HBS1L: variants seen among roughly 807,000 people sequenced by gnomAD.
The protein encoded by HBS1L is HBS1-like protein.
In HBS1L, 55 loss-of-function variants were observed where a neutral mutation model predicts 88.9. That is an observed-to-expected ratio of 0.62 (90% confidence interval 0.50 to 0.77). The LOEUF (loss-of-function observed/expected upper bound fraction) is 0.77. Ranked by LOEUF, HBS1L falls within the 30% of genes least tolerant of loss-of-function variation. The pLI, the probability that HBS1L is intolerant of heterozygous loss-of-function variation, is 0.00. For synonymous variants in HBS1L, 267 were observed against 288.5 expected, an observed-to-expected ratio of 0.93 and a Z score of 0.76; for missense variants, 741 against 829.3, an observed-to-expected ratio of 0.89 and a Z score of 1.31.
chr6:135,004,341 A>G (rs1156991785), intron 4 of HBS1L, among the ~76,000 whole-genome samples: 1 of 152,050 alleles, frequency 6.6e-6, no homozygotes, highest in South Asian at 2.1e-4. Flanking sequence ...ATTTGATGAT[A>G]GGGCACATGA....
chr6:135,004,570 C>T (rs1239450628), intron 4 of HBS1L, among the ~76,000 whole-genome samples: 1 of 152,050 alleles, frequency 6.6e-6, no homozygotes, highest in East Asian at 1.9e-4. Context: ...AGTGCAGGAC[C>T]TTTAGGTCAT....
intron 4 of HBS1L, among the ~76,000 whole-genome samples, chr6:135,028,776 C>G (rs187432482): frequency 6.6e-6 from 1 of 152,228 alleles, no homozygotes; most frequent in East Asian, 1.9e-4. Context: ...CTAATGTTAT[C>G]TAAAGCCTTT....
chr6:135,037,632 A>G (rs1232073192), intron 4 of HBS1L: 1 of 1,548,960 alleles, frequency 6.5e-7, no homozygotes, highest in Admixed American at 2.0e-5. Context: ...TGAATGCAGA[A>G]TCATCTTTGG....
chr6:134,998,132 C>T (rs1052468072), intron 5 of HBS1L, among the ~76,000 whole-genome samples: 2 of 152,210 alleles, frequency 1.3e-5, no homozygotes, highest in Non-Finnish European at 2.9e-5. Context: ...TAAATGACTA[C>T]AGTTCATAAA....
At chr6:134,979,344 G>T in intron 13 of HBS1L, 76 bp from the exon 14 acceptor site, 1 of 1,037,094 alleles carries the variant, frequency 9.6e-7, no homozygotes, top group Non-Finnish European at 1.5e-6. Flanking sequence ...GAGTTTGGCT[G>T]ATTTGTGCTT....
Position 134,960,529 on chromosome 6 carries a change from T to C in HBS1L, c.*4750A>G, listed in dbSNP as rs1774162784. ...CATTATGCATTTTTATGTCATTTGG[T>C]ACAGTTTTATTGTGCATTATACTTG... is the stretch of plus-strand genomic sequence containing the variant. On this transcript the variant is annotated 3_prime_UTR_variant, in exon 18 of 18. Coordinates refer to ENST00000367837, the MANE Select transcript of HBS1L (RefSeq NM_006620.4). 1.3e-5 allele frequency: 2 copies of C among 152,192 alleles called. No homozygotes were observed. Among genetic ancestry groups the C allele is most frequent in the Admixed American group, 6.5e-5 (1 of 15,284 alleles). The allele number at this position is 152,192 out of a possible 1,614,324, so 9.4% of individuals were successfully genotyped here. A position where few individuals can be genotyped will look rare whatever the true frequency, so the allele number is the denominator to read the frequency against.
chr6:134,984,540 T>C (rs888695481), intron 12 of HBS1L, among the ~76,000 whole-genome samples: 6 of 152,320 alleles, frequency 3.9e-5, no homozygotes, highest in South Asian at 2.1e-4. Context: ...GCTGCTCAGT[T>C]CCACATTCAC....
chr6:134,986,920 T>C (rs956982413), intron 9 of HBS1L, 110 bp from the exon 10 acceptor site: 3 of 388,262 alleles, frequency 7.7e-6, no homozygotes, highest in Admixed American at 4.6e-5. Flanking sequence ...AAATATAAAA[T>C]CTATTAAAAT....
intron 15 of HBS1L, among the ~76,000 whole-genome samples, chr6:134,972,615 CTT>C (rs1048656542): frequency 6.6e-6 from 1 of 152,152 alleles, no homozygotes; most frequent in Non-Finnish European, 1.5e-5. Context: ...AAATTAAAAA[CTT>C]TTGTGCAACA....
intron 4 of HBS1L, among the ~76,000 whole-genome samples, chr6:135,032,201 A>T (rs1038266679): frequency 6.6e-6 from 1 of 152,088 alleles, no homozygotes; most frequent in Non-Finnish European, 1.5e-5. Context: ...CTTTCAGCAT[A>T]AATGAGTAAA....
intron 4 of HBS1L, among the ~76,000 whole-genome samples, chr6:135,007,085 G>A (rs942539336): frequency 3.3e-5 from 5 of 152,128 alleles, no homozygotes; most frequent in Admixed American, 2.0e-4. Flanking sequence ...TAAAAAGGTA[G>A]GTGGGTCATA....
intron 5 of HBS1L, 94 bp from the exon 6 acceptor site, chr6:134,997,750 T>A (rs1583091427): frequency 1.7e-6 from 2 of 1,169,170 alleles, no homozygotes; most frequent in African/African-American, 3.0e-5. Context: ...TTCATAATCC[T>A]TTATGCTCCA....
Position 135,002,060 on chromosome 6 carries a change from A to T in HBS1L, c.539+674T>A, listed in dbSNP as rs1041761604. ...TTGGCAGACAAAATACATATAATTTATAAGTAACAATTGAAAATTCTGAAA... is the reference window on the plus strand; with the variant it reads ...TTGGCAGACAAAATACATATAATTTTTAAGTAACAATTGAAAATTCTGAAA... On this transcript the variant is annotated intron_variant, in intron 5 of 17. Coordinates refer to ENST00000367837, the MANE Select transcript of HBS1L (RefSeq NM_006620.4). 3.6e-5 allele frequency among the ~76,000 whole-genome samples: 3 copies of T among 84,472 alleles called. No individual in the cohort carries two copies. The South Asian group carries it at 1.4e-3, about 39-fold the overall frequency. The allele number at this position is 84,472 out of a possible 152,430, so 55.4% of individuals were successfully genotyped here. A position where few individuals can be genotyped will look rare whatever the true frequency, so the allele number is the denominator to read the frequency against.
chr6:134,975,407 T>A (rs758231903), intron 15 of HBS1L, among the ~76,000 whole-genome samples: 6 of 151,858 alleles, frequency 4.0e-5, no homozygotes, highest in Non-Finnish European at 7.4e-5. Context: ...GAAAAAACAA[T>A]CCTAAAATTC....
Position 134,997,595 on chromosome 6 carries a change from C to A in HBS1L, c.601G>T (p.Asp201Tyr), listed in dbSNP as rs1182633812. The change falls in exon 6 of 18, where the codon GAT becomes TAT. Residue 201 changes from aspartate to tyrosine, a missense_variant. Transcript: ENST00000367837. ...AGAACATCGGAAGAAGCAATGGCAT[C>A]TTCAATGGGCGGTCCTTTTTGAGGT... ...HTPQKGPPIE[D>Y]AIASSDVLET... 1 of 1,613,824 alleles carries A rather than the reference C, an allele frequency of 6.2e-7. No homozygotes were observed. The highest frequency in any genetic ancestry group is 8.5e-7 in the Non-Finnish European group (1 of 1,179,894).
intron 4 of HBS1L, among the ~76,000 whole-genome samples, chr6:135,016,630 T>C (rs1469893403): frequency 1.3e-5 from 2 of 152,230 alleles, no homozygotes; most frequent in Non-Finnish European, 2.9e-5. Context: ...CAAAATGATG[T>C]AACTTGCATA....
At chr6:135,026,995 C>T (rs954978141) in intron 4 of HBS1L, 2 of 150,972 alleles carry the variant, frequency 1.3e-5, no homozygotes, top group African/African-American at 4.9e-5. Context: ...AGTTCGAGAC[C>T]AGCATAGGTA....
chr6:134,988,576 T>G (rs908705661), intron 8 of HBS1L, among the ~76,000 whole-genome samples: 1 of 152,136 alleles, frequency 6.6e-6, no homozygotes, highest in African/African-American at 2.4e-5. Context: ...AAACTAAAAT[T>G]TTTTAAAAGT....
intron 4 of HBS1L, among the ~76,000 whole-genome samples, chr6:135,020,440 G>A (rs986750653): frequency 3.3e-5 from 5 of 151,884 alleles, no homozygotes; most frequent in Admixed American, 3.3e-4. Flanking sequence ...ATAACAGCAT[G>A]TTCAATGCAC....
Sources: allele counts gnomAD v4.1 joint callset (sites outside exome capture counted in the v4.1 genomes callset), GRCh38; gene constraint gnomAD v4.1.1; transcripts MANE v1.5; gene names NCBI Gene and HGNC (gene_info 2026-07-23, HGNC 2026-07-21).